The following TMEM243 variants were observed in gnomAD, a reference collection of about 807,000 sequenced individuals.
TMEM243 encodes the protein transmembrane protein 243, also known as MDR1 and mitochondrial taxol resistance associated.
A neutral mutation model predicts 15.0 loss-of-function variants in TMEM243; 20 were observed. The ratio of observed to expected loss-of-function variants is 1.33; its 90% CI spans 0.94 to 1.93. The LOEUF is 1.93. TMEM243 is among the 30% of genes most tolerant of loss of function. The probability of loss-of-function intolerance (pLI) is 0.00; values close to 1 mark genes in which losing one functional copy is unlikely to be tolerated. For synonymous variants in TMEM243, 72 were observed against 52.7 expected, an observed-to-expected ratio of 1.37 and a Z score of -1.59; for missense variants, 156 against 142.1, an observed-to-expected ratio of 1.10 and a Z score of -0.50.
chr7:87,207,197 T>C (rs1584533485), intron 1 of TMEM243, among the ~76,000 whole-genome samples: 3 of 152,340 alleles, frequency 2.0e-5, no homozygotes, highest in Admixed American at 2.0e-4. Flanking sequence ...GACTGATTTA[T>C]AAGGCATCAC....
At chr7:87,198,155 A>G (rs1801501855) in intron 2 of TMEM243, 110 bp from the exon 3 acceptor site, 2 of 833,818 alleles carry the variant, frequency 2.4e-6, no homozygotes, top group Non-Finnish European at 3.8e-6. Flanking sequence ...ATAAAATTAC[A>G]TCTGCCACCA....
At chr7:87,203,883 A>C (rs530175723) in intron 1 of TMEM243, among the ~76,000 whole-genome samples, 1 of 152,292 alleles carries the variant, frequency 6.6e-6, no homozygotes, top group South Asian at 2.1e-4. Flanking sequence ...CATAATGTCA[A>C]CTCATTTCCC....
At chr7:87,208,540 T>G (rs1443129115) in intron 1 of TMEM243, among the ~76,000 whole-genome samples, 1 of 152,164 alleles carries the variant, frequency 6.6e-6, no homozygotes, top group Non-Finnish European at 1.5e-5. Flanking sequence ...CCCCCAAACC[T>G]CCAACCACTT....
rs1554365780 is a variant in TMEM243 at position 87,209,538 on chromosome 7, A to AC, written c.78+9887_78+9888insG. ...ACAGTGAGAGAGAGAGTGAGAGAGA[A>AC]AGTGAGAGACAATGAGAGAGACAAT... On this transcript the variant is annotated intron_variant, in intron 1 of 3. Coordinates refer to ENST00000257637, the MANE Select transcript of TMEM243 (RefSeq NM_024315.4). 6.2e-5 allele frequency among the ~76,000 whole-genome samples: 9 copies of AC among 145,176 alleles called. No homozygotes were observed. In the South Asian group the frequency reaches 1.8e-3, roughly 29 times the overall value.
chr7:87,198,167 G>T (rs1801503077), intron 2 of TMEM243, 122 bp from the exon 3 acceptor site: 4 of 754,678 alleles, frequency 5.3e-6, no homozygotes, highest in South Asian at 1.9e-5. Context: ...CTGCCACCAA[G>T]TTTGCTTTCT....
intron 2 of TMEM243, 84 bp downstream of exon 2, chr7:87,198,923 C>A: frequency 1.6e-6 from 2 of 1,257,340 alleles, no homozygotes; most frequent in Non-Finnish European, 2.2e-6. Context: ...ACTTATTTAG[C>A]TTTTTTTGGA....
chr7:87,205,905 CCA>C (rs1399231293), intron 1 of TMEM243, among the ~76,000 whole-genome samples: 1 of 152,178 alleles, frequency 6.6e-6, no homozygotes, highest in East Asian at 1.9e-4. Flanking sequence ...CAGCAGCACC[CCA>C]CTCCTGGTAC....
intron 3 of TMEM243, chr7:87,197,666 G>A (rs1801412132): frequency 1.6e-6 from 2 of 1,222,062 alleles, no homozygotes; most frequent in South Asian, 1.9e-5. Context: ...TAAAATCTTT[G>A]GCCACCTACG....
At chr7:87,208,854 G>A (rs186589359) in intron 1 of TMEM243, among the ~76,000 whole-genome samples, 4 of 152,378 alleles carry the variant, frequency 2.6e-5, no homozygotes, top group Non-Finnish European at 5.9e-5. Context: ...TACCCAGGGT[G>A]TAAATACTCT....
At chr7:87,202,723 A>G (rs1042895001) in intron 1 of TMEM243, among the ~76,000 whole-genome samples, 3 of 152,210 alleles carry the variant, frequency 2.0e-5, no homozygotes, top group African/African-American at 7.2e-5. Context: ...TAAAACTAAT[A>G]AATACAGACC....
intron 1 of TMEM243, chr7:87,203,096 C>T (rs1801938531): frequency 6.6e-6 from 1 of 152,346 alleles, no homozygotes; most frequent in Non-Finnish European, 1.5e-5. Flanking sequence ...AGCTCCTCAG[C>T]TCCCTGGAAA....
At chr7:87,209,750 C>CAGTGAGAGCGAGACAGTG (rs1222131365) in intron 1 of TMEM243, among the ~76,000 whole-genome samples, 2 of 26,116 alleles carry the variant, frequency 7.7e-5, no homozygotes, top group Non-Finnish European at 1.7e-4. Flanking sequence ...GAGCGAGACA[C>CAGTGAGAGCGAGACAGTG]AGAGCGAGAC....
Position 87,219,464 on chromosome 7 carries a change from G to A in TMEM243, c.40C>T (p.Leu14=), listed in dbSNP as rs746355581. Residue 14 remains leucine, a synonymous_variant, in exon 1 of 4, where the codon CTG becomes TTG. Transcript: ENST00000257637. The part of the protein sequence containing the change: ...FATRTYGTSG[L]DNRPLFGETS... ...TCCCCAAACAGAGGTCTGTTGTCCA[G>A]GCCACTGGTGCCGTAGGTCCTGGTA... 1.2e-5 allele frequency: 20 copies of A among 1,614,104 alleles called. No homozygotes were observed. The highest frequency in any genetic ancestry group is 1.6e-5 in the Non-Finnish European group (19 of 1,180,048).
chr7:87,219,460 T>A lies in TMEM243; in HGVS notation c.44A>T (p.Asp15Val). Residue 15 changes from aspartate (D) to valine (V), a missense_variant, in exon 1 of 4, where the codon GAC (aspartate) becomes GTC (valine). Coordinates refer to ENST00000257637, the MANE Select transcript of TMEM243 (RefSeq NM_024315.4). ...ATRTYGTSGLDNRPLFGETSA... is the reference protein window; with the variant it reads ...ATRTYGTSGLVNRPLFGETSA... ...CGTCTCCCCAAACAGAGGTCTGTTG[T>A]CCAGGCCACTGGTGCCGTAGGTCCT... 6.2e-7 allele frequency: 1 copy of A among 1,614,238 alleles called. No individual in the cohort carries two copies.
In TMEM243 at chr7:87,197,759, T is replaced by C. The variant is rs558492713; in HGVS notation, c.234+182A>G. 19 of 1,377,252 alleles carry C rather than the reference T, an allele frequency of 1.4e-5. No homozygotes were observed. In the East Asian group the frequency reaches 5.2e-4, roughly 38 times the overall value. The allele number at this position is 1,377,252 out of a possible 1,614,324, so 85.3% of individuals were successfully genotyped here. ...GAATTTCTCTTTGGGGTTACAACTTTGGGATTTAGGAGAAAAGGAGAAGAC... is the reference window on the plus strand; with the variant it reads ...GAATTTCTCTTTGGGGTTACAACTTCGGGATTTAGGAGAAAAGGAGAAGAC... On this transcript the variant is annotated intron_variant, in intron 3 of 3. Coordinates refer to ENST00000257637, the MANE Select transcript of TMEM243 (RefSeq NM_024315.4).
At chr7:87,213,766 C>A (rs1311761420) in intron 1 of TMEM243, among the ~76,000 whole-genome samples, 1 of 137,244 alleles carries the variant, frequency 7.3e-6, no homozygotes, top group African/African-American at 2.8e-5. Flanking sequence ...TGCTTTTCAC[C>A]GTCTTTGTTT....
At chr7:87,201,826 C>T (rs1285878844) in intron 1 of TMEM243, among the ~76,000 whole-genome samples, 1 of 152,194 alleles carries the variant, frequency 6.6e-6, no homozygotes, top group African/African-American at 2.4e-5. Context: ...CCTACCATAA[C>T]TTGTCTCTCC....
At chr7:87,198,868 T>TA in intron 2 of TMEM243, 139 bp downstream of exon 2, 1 of 665,784 alleles carries the variant, frequency 1.5e-6, no homozygotes, top group Non-Finnish European at 2.5e-6. Context: ...TTAAATTAGC[T>TA]ACTCCAATTA....
intron 1 of TMEM243, among the ~76,000 whole-genome samples, chr7:87,217,575 C>G (rs548201400): frequency 1.3e-5 from 2 of 152,320 alleles, no homozygotes; most frequent in East Asian, 3.9e-4. Context: ...GTCTCTCTCC[C>G]TTCTCCATTC....
Sources: allele counts gnomAD v4.1 joint callset (sites outside exome capture counted in the v4.1 genomes callset), GRCh38; gene constraint gnomAD v4.1.1; transcripts MANE v1.5; gene names NCBI Gene and HGNC (gene_info 2026-07-23, HGNC 2026-07-21).